The following NCOR1 variants were observed in gnomAD, a reference collection of about 807,000 sequenced individuals.
NCOR1 encodes nuclear receptor corepressor 1.
NCOR1 carries 63 observed loss-of-function variants against 288.1 expected under a neutral mutation model. That is an observed-to-expected ratio of 0.22 (90% CI 0.18 to 0.27). The LOEUF (loss-of-function observed/expected upper bound fraction) is 0.27. Ranked by LOEUF, NCOR1 falls within the 10% of genes least tolerant of loss-of-function variation. NCOR1 has a pLI of 1.00. For missense variants in NCOR1, 2,397 were observed against 3,019.2 expected, an observed-to-expected ratio of 0.79 and a Z score of 4.83; for synonymous variants, 1,007 against 1,065.9, an observed-to-expected ratio of 0.94 and a Z score of 1.08.
In NCOR1 at chr17:16,057,794, AT is replaced by A. The variant is rs1456705589; in HGVS notation, c.6169-58del. The A allele has an allele frequency of 4.6e-6, 7 of 1,521,634 alleles. No homozygotes were observed. In the Admixed American group the frequency reaches 9.7e-5, roughly 21 times the overall value. 94.3% of individuals were successfully genotyped at this position (1,521,634 alleles called of 1,614,324 possible). On this transcript the variant is annotated intron_variant, in intron 39 of 45. Transcript: ENST00000268712. ...TTCATTGAGTACTTGCAAAAAAAAAATAGTATTAAGAAATCTAGATATCTTT... is the reference window on the plus strand; with the variant it reads ...TTCATTGAGTACTTGCAAAAAAAAAAAGTATTAAGAAATCTAGATATCTTT...
At chr17:16,036,065 C>T (rs1190834924) in intron 44 of NCOR1, among the ~76,000 whole-genome samples, 1 of 152,234 alleles carries the variant, frequency 6.6e-6, no homozygotes, top group Non-Finnish European at 1.5e-5. Flanking sequence ...AGAGGAATCA[C>T]TATGGCAGCT....
In NCOR1 at chr17:16,030,858, A is replaced by C. The variant is rs1971857230; in HGVS notation, c.*1438T>G. 2 of 188,218 alleles carry C rather than the reference A, an allele frequency of 1.1e-5. No homozygotes were observed. The highest frequency in any genetic ancestry group is 1.7e-4 in the East Asian group (2 of 11,814). 11.7% of individuals were successfully genotyped at this position (188,218 alleles called of 1,614,324 possible). A position where few individuals can be genotyped will look rare whatever the true frequency, so the allele number is the denominator to read the frequency against. On this transcript the variant is annotated 3_prime_UTR_variant, in exon 46 of 46. Transcript: ENST00000268712. Reference sequence around the variant, plus strand: ...GCTAATCACAGAGCTGCTTCCTTAAAAGCCTTGAGTACTTTTGTTTAAAAG... The same window carrying C: ...GCTAATCACAGAGCTGCTTCCTTAACAGCCTTGAGTACTTTTGTTTAAAAG...
intron 40 of NCOR1, among the ~76,000 whole-genome samples, chr17:16,052,192 CTT>C (rs953498043): frequency 2.1e-4 from 29 of 141,206 alleles, no homozygotes; most frequent in Non-Finnish European, 2.9e-4. Flanking sequence ...TTTTGTATTT[CTT>C]TTTTTTTTTT....
chr17:16,202,131 G>A (rs933168647), intron 1 of NCOR1, among the ~76,000 whole-genome samples: 40 of 151,658 alleles, frequency 2.6e-4, no homozygotes, highest in African/African-American at 9.4e-4. Flanking sequence ...GGCTGGGGCA[G>A]GAGAATCGCT....
At chr17:16,213,767 C>G (rs1462093469) in intron 1 of NCOR1, among the ~76,000 whole-genome samples, 1 of 152,136 alleles carries the variant, frequency 6.6e-6, no homozygotes, top group Non-Finnish European at 1.5e-5. Flanking sequence ...GATGAGGAAA[C>G]TGAAGCACAG....
chr17:16,173,622 A>G (rs1458127127), intron 3 of NCOR1, among the ~76,000 whole-genome samples: 1 of 152,112 alleles, frequency 6.6e-6, no homozygotes, highest in Non-Finnish European at 1.5e-5. Context: ...CAATCCAAAC[A>G]TGAAACTTAA....
At chr17:16,068,584 T>C (rs923336318) in intron 31 of NCOR1, among the ~76,000 whole-genome samples, 2 of 152,146 alleles carry the variant, frequency 1.3e-5, no homozygotes, top group Non-Finnish European at 2.9e-5. Context: ...CCACAATGAC[T>C]TTCTCATTAC....
chr17:16,095,117 G>GAGCA (rs1445009996), intron 21 of NCOR1, among the ~76,000 whole-genome samples: 2 of 151,688 alleles, frequency 1.3e-5, no homozygotes, highest in East Asian at 3.9e-4. Flanking sequence ...CCTGGGAAGT[G>GAGCA]AGCAGCGCCT....
At chr17:16,148,751 C>T (rs999094561) in intron 9 of NCOR1, among the ~76,000 whole-genome samples, 3 of 137,632 alleles carry the variant, frequency 2.2e-5, no homozygotes, top group African/African-American at 8.1e-5. Flanking sequence ...GAACATTAGA[C>T]GTTTTCCACC....
At chr17:16,206,217 C>A (rs952566033) in intron 1 of NCOR1, among the ~76,000 whole-genome samples, 15 of 151,818 alleles carry the variant, frequency 9.9e-5, no homozygotes, top group African/African-American at 3.6e-4. Flanking sequence ...AGCAACTCCA[C>A]TTCTAGGAAT....
intron 44 of NCOR1, among the ~76,000 whole-genome samples, chr17:16,038,398 C>G (rs1033973411): frequency 3.3e-5 from 5 of 151,854 alleles, no homozygotes; most frequent in South Asian, 2.1e-4. Context: ...ATGATGTGAT[C>G]TGAAGAACTG....
chr17:16,087,396 G>GT (rs1304447315), intron 22 of NCOR1: 1 of 1,222,918 alleles, frequency 8.2e-7, no homozygotes, highest in Non-Finnish European at 1.1e-6. Flanking sequence ...AATTAAAATA[G>GT]TAAGTGTGAA....
rs2153136021 is a variant in NCOR1 at position 16,119,423 on chromosome 17, CT to C, written c.1914del (p.Gly639ValfsTer2). On this transcript the variant is annotated frameshift_variant and splice_region_variant, in exon 17 of 46. Coordinates refer to ENST00000268712, the MANE Select transcript of NCOR1 (RefSeq NM_006311.4). LOFTEE classifies it high-confidence loss of function. ...AGAAACCAGAACTACTACAATTTAC[CT>C]TTTTTAGCAACTTCCATTTCTTCTT... ...WTEEEMEVAK[K>X]GLVEHGRNWA... 3 of 1,606,594 alleles carry C rather than the reference CT, an allele frequency of 1.9e-6. No homozygotes were observed. The highest frequency in any genetic ancestry group is 1.1e-5 in the South Asian group (1 of 90,194).
At chr17:16,203,990 T>TA (rs2091187535) in intron 1 of NCOR1, among the ~76,000 whole-genome samples, 1 of 152,136 alleles carries the variant, frequency 6.6e-6, no homozygotes, top group African/African-American at 2.4e-5. Context: ...GAAGAACACA[T>TA]AGACCAGAAT....
At chr17:16,189,983 A>G (rs2087763480) in intron 2 of NCOR1, among the ~76,000 whole-genome samples, 1 of 152,236 alleles carries the variant, frequency 6.6e-6, no homozygotes, top group East Asian at 1.9e-4. Flanking sequence ...CTATAATCCC[A>G]GCACTTTAGG....
At position 16,117,696 on chromosome 17, in the gene NCOR1, G is replaced by A. The variant is rs7223409; in HGVS notation, c.2055+192C>T. On this transcript the variant is annotated intron_variant, in intron 18 of 45. Transcript: ENST00000268712. The stretch of plus-strand genomic sequence containing the variant: ...AAATTAGCCAGGCATGGTGGCGGGC[G>A]CCTGTAGTCCCAGCTACTCGGGAGG... Among the ~76,000 whole-genome samples, 7,505 of 151,960 alleles carry A rather than the reference G, an allele frequency of 0.049. 221 individuals are homozygous for A. Among genetic ancestry groups the A allele is most frequent in the African/African-American group, 0.092 (3,820 of 41,392 alleles).
At chr17:16,042,415 C>G (rs1228180143) in intron 42 of NCOR1, among the ~76,000 whole-genome samples, 1 of 152,100 alleles carries the variant, frequency 6.6e-6, no homozygotes, top group East Asian at 1.9e-4. Flanking sequence ...CAATGATAAT[C>G]CTTAGATACT....
At chr17:16,083,181 C>T (rs1366602189) in intron 23 of NCOR1, among the ~76,000 whole-genome samples, 6 of 150,994 alleles carry the variant, frequency 4.0e-5, no homozygotes, top group African/African-American at 4.9e-5. Flanking sequence ...TGCAGTGAGC[C>T]GAGATCGTGT....
At chr17:16,038,373 G>A (rs1272803984) in intron 44 of NCOR1, among the ~76,000 whole-genome samples, 1 of 152,070 alleles carries the variant, frequency 6.6e-6, no homozygotes, top group Non-Finnish European at 1.5e-5. Flanking sequence ...TCAGATACAA[G>A]CATTAGCATT....
Sources: gnomAD v4.1 joint callset for allele counts (sites outside exome capture counted in the v4.1 genomes callset) on GRCh38, gnomAD v4.1.1 for gene constraint, MANE v1.5 for transcripts, NCBI Gene and HGNC (gene_info 2026-07-23, HGNC 2026-07-21) for gene names.